Variants in GRM5 observed in about 807,000 individuals in gnomAD.
The protein encoded by GRM5 is glutamate metabotropic receptor 5, also known as metabotropic glutamate receptor 5.
Under a neutral mutation model 83.1 loss-of-function variants are expected in GRM5, and 19 were observed. That is an observed-to-expected ratio of 0.23 (90% CI 0.16 to 0.34). The LOEUF (loss-of-function observed/expected upper bound fraction) is 0.34, where lower values mean the gene tolerates loss of function less well. Ranked by LOEUF, GRM5 falls within the 10% of genes least tolerant of loss-of-function variation. The pLI is 1.00. For missense variants in GRM5, 1,160 were observed against 1,588.3 expected (o/e 0.73, Z 4.58); for synonymous variants, 675 against 633.6 (o/e 1.07, Z -0.98).
At position 88,763,231 on chromosome 11, in the gene GRM5, GAATT is replaced by G. The variant is rs1291313647; in HGVS notation, c.911+86671_911+86674del. Among the ~76,000 whole-genome samples the G allele has an allele frequency of 1.3e-5, 2 of 151,342 alleles. 1 individual carries two copies. On this transcript the variant is annotated intron_variant, in intron 3 of 9. Transcript: ENST00000305447. ...ATTCTAAGACAAGTAGAAGCTGGAA[GAATT>G]AATTAGCACTAAATCTTTTATACAT...
intron 2 of GRM5, among the ~76,000 whole-genome samples, chr11:89,036,296 C>A (rs1941383875): frequency 6.6e-6 from 1 of 152,002 alleles, no homozygotes; most frequent in African/African-American, 2.4e-5. Context: ...CTTTTTCGTG[C>A]AATTGCAAAC....
intron 8 of GRM5, among the ~76,000 whole-genome samples, chr11:88,526,286 C>T (rs924095835): frequency 1.3e-5 from 2 of 152,168 alleles, no homozygotes; most frequent in African/African-American, 4.8e-5. Flanking sequence ...TCTTGTATCT[C>T]AATGACAGTT....
chr11:88,933,460 T>C (rs1937785351), intron 2 of GRM5, among the ~76,000 whole-genome samples: 1 of 151,876 alleles, frequency 6.6e-6, no homozygotes, highest in South Asian at 2.1e-4. Flanking sequence ...CAATCTCAAC[T>C]GCTCATATAT....
intron 3 of GRM5, among the ~76,000 whole-genome samples, chr11:88,654,662 G>A (rs758022670): frequency 1.3e-5 from 2 of 152,178 alleles, no homozygotes; most frequent in East Asian, 1.9e-4. Context: ...GGGAGAGGAC[G>A]TGGGAAGAGA....
At chr11:88,629,201 G>A (rs2135268632) in intron 4 of GRM5, among the ~76,000 whole-genome samples, 2 of 152,258 alleles carry the variant, frequency 1.3e-5, no homozygotes, top group African/African-American at 4.8e-5. Flanking sequence ...TGGGTCTATT[G>A]GTAGCGGCAA....
At chr11:88,965,483 A>G (rs963767159) in intron 2 of GRM5, among the ~76,000 whole-genome samples, 5 of 152,104 alleles carry the variant, frequency 3.3e-5, no homozygotes, top group African/African-American at 1.2e-4. Context: ...CAACATATTA[A>G]TTTGGGTTGA....
intron 2 of GRM5, among the ~76,000 whole-genome samples, chr11:89,018,301 C>T (rs192004055): frequency 6.6e-6 from 1 of 152,172 alleles, no homozygotes; most frequent in Admixed American, 6.5e-5. Context: ...CCTTGCCCCT[C>T]AGAAACAAGC....
intron 4 of GRM5, among the ~76,000 whole-genome samples, chr11:88,631,081 G>C (rs776434988): frequency 1.4e-4 from 22 of 152,062 alleles, no homozygotes; most frequent in Non-Finnish European, 3.1e-4. Flanking sequence ...CAAAACACTA[G>C]GCCAACCATG....
intron 2 of GRM5, among the ~76,000 whole-genome samples, chr11:88,987,142 G>T (rs868382240): frequency 4.6e-5 from 7 of 152,110 alleles, no homozygotes; most frequent in Admixed American, 3.3e-4. Context: ...GCGCAGGTCA[G>T]TGGGTGCGCG....
chr11:88,816,646 A>C (rs1291060165), intron 3 of GRM5, among the ~76,000 whole-genome samples: 1 of 151,580 alleles, frequency 6.6e-6, no homozygotes, highest in African/African-American at 2.4e-5. Context: ...AAAATCAATG[A>C]AAGAGAACAC....
intron 3 of GRM5, among the ~76,000 whole-genome samples, chr11:88,817,353 C>T (rs917822780): frequency 8.6e-5 from 13 of 150,616 alleles, no homozygotes; most frequent in Admixed American, 8.6e-4. Context: ...CTTTTTTTTT[C>T]TATTGATTAT....
At chr11:88,900,648 T>C (rs1238907449) in intron 2 of GRM5, among the ~76,000 whole-genome samples, 1 of 152,148 alleles carries the variant, frequency 6.6e-6, no homozygotes, top group East Asian at 1.9e-4. Context: ...TATTCAATTA[T>C]ATAAAATTTT....
chr11:88,555,346 C>T (rs990468489), intron 8 of GRM5, among the ~76,000 whole-genome samples: 10 of 152,114 alleles, frequency 6.6e-5, no homozygotes, highest in African/African-American at 2.4e-4. Flanking sequence ...AAGTCTTACC[C>T]CATAAAATAG....
chr11:88,776,763 G>A (rs985338540), intron 3 of GRM5, among the ~76,000 whole-genome samples: 7 of 152,046 alleles, frequency 4.6e-5, no homozygotes, highest in African/African-American at 1.7e-4. Context: ...GTTGAATATT[G>A]GCCCCCACTC....
chr11:88,544,634 T>C (rs772157119), intron 8 of GRM5, among the ~76,000 whole-genome samples: 2 of 152,216 alleles, frequency 1.3e-5, no homozygotes, highest in Non-Finnish European at 2.9e-5. Flanking sequence ...ACAGTCCTAG[T>C]GTAGGAGTGT....
At chr11:88,837,254 C>T (rs571442386) in intron 3 of GRM5, among the ~76,000 whole-genome samples, 1 of 152,054 alleles carries the variant, frequency 6.6e-6, no homozygotes, top group Admixed American at 6.5e-5. Flanking sequence ...ATCAAAGATC[C>T]AGAGATGGTT....
At chr11:88,525,455 C>G (rs1183394570) in intron 8 of GRM5, 51 bp from the exon 9 acceptor site, 32 of 1,133,356 alleles carry the variant, frequency 2.8e-5, no homozygotes, top group Non-Finnish European at 4.0e-5. Flanking sequence ...TGATTGTGTG[C>G]TTAACTGCCA....
chr11:89,034,103 G>A (rs1348123830), intron 2 of GRM5, among the ~76,000 whole-genome samples: 1 of 151,558 alleles, frequency 6.6e-6, no homozygotes, highest in Admixed American at 6.6e-5. Flanking sequence ...ATAAGCCAGA[G>A]AATATCTTAA....
intron 3 of GRM5, among the ~76,000 whole-genome samples, chr11:88,846,619 T>A (rs1944307415): frequency 6.6e-6 from 1 of 152,154 alleles, no homozygotes; most frequent in Non-Finnish European, 1.5e-5. Context: ...CAGTTGGAGA[T>A]ATTTATAAGT....
Sources: gnomAD v4.1 joint callset for allele counts (sites outside exome capture counted in the v4.1 genomes callset) on GRCh38, gnomAD v4.1.1 for gene constraint, MANE v1.5 for transcripts, NCBI Gene and HGNC (gene_info 2026-07-23, HGNC 2026-07-21) for gene names.